WDR11: variants seen among roughly 807,000 people sequenced by gnomAD.
WDR11 encodes WD repeat-containing protein 11.
A neutral mutation model predicts 151.2 loss-of-function variants in WDR11; 83 were observed. The ratio of observed to expected loss-of-function variants is 0.55; its 90% CI spans 0.46 to 0.66. The LOEUF (loss-of-function observed/expected upper bound fraction) is 0.66, where lower values mean the gene tolerates loss of function less well. Among genes scored for constraint, WDR11 ranks in the 30% least tolerant of loss-of-function variants. The pLI, the probability that WDR11 is intolerant of heterozygous loss-of-function variation, is 0.00. For synonymous variants in WDR11, 484 were observed against 533.1 expected (o/e 0.91, Z 1.27); for missense variants, 1,301 against 1,480.9 (o/e 0.88, Z 1.99).
Position 120,864,923 on chromosome 10 carries a change from T to C in WDR11, c.714-124T>C, listed in dbSNP as rs1846261383. 6 of 1,134,890 alleles carry C rather than the reference T, an allele frequency of 5.3e-6. No individual in the cohort carries two copies. In the Admixed American group the frequency reaches 1.2e-4, roughly 24 times the overall value. 70.3% of individuals were successfully genotyped at this position (1,134,890 alleles called of 1,614,324 possible). ...AGTTTTGGATGCCAACCCATGTTGG[T>C]CACTTCAGGGAATAGTTGTACATTT... On this transcript the variant is annotated intron_variant, in intron 5 of 28. Transcript: ENST00000263461.
chr10:120,905,093 T>C (rs931975696), intron 25 of WDR11, among the ~76,000 whole-genome samples: 23 of 152,182 alleles, frequency 1.5e-4, no homozygotes, highest in Admixed American at 9.8e-4. Context: ...GAGAGAACTA[T>C]GCTCTCCCTA....
At chr10:120,887,516 T>G (rs979661752) in intron 16 of WDR11, among the ~76,000 whole-genome samples, 3 of 152,222 alleles carry the variant, frequency 2.0e-5, no homozygotes, top group African/African-American at 7.2e-5. Flanking sequence ...AAAAATGGAA[T>G]GCTCTAGTAG....
intron 19 of WDR11, among the ~76,000 whole-genome samples, chr10:120,894,249 C>T (rs923885010): frequency 1.3e-5 from 2 of 152,092 alleles, no homozygotes; most frequent in African/African-American, 4.8e-5. Flanking sequence ...GCCAGTTTTC[C>T]CCTCCCCAGT....
Position 120,878,505 on chromosome 10 carries a change from T to C in WDR11, c.1663+46T>C, listed in dbSNP as rs760088857. On this transcript the variant is annotated intron_variant, in intron 12 of 28. Transcript: ENST00000263461. ...ATAGGTTTGTCATATTGAATAAACA[T>C]GTTGCCATTTATAAAACATGTTTGA... The C allele has an allele frequency of 6.8e-6, 10 of 1,467,704 alleles. No individual in the cohort carries two copies. In the Admixed American group the frequency reaches 1.3e-4, roughly 20 times the overall value. 90.9% of individuals were successfully genotyped at this position (1,467,704 alleles called of 1,614,324 possible).
intron 28 of WDR11, chr10:120,907,419 G>A (rs923403020): frequency 1.9e-5 from 3 of 159,042 alleles, no homozygotes; most frequent in Non-Finnish European, 2.8e-5. Context: ...TGGTTTCTTT[G>A]AAAAGAATGA....
intron 16 of WDR11, among the ~76,000 whole-genome samples, chr10:120,888,579 A>G (rs1847304881): frequency 2.0e-5 from 3 of 152,254 alleles, no homozygotes; most frequent in Admixed American, 2.0e-4. Flanking sequence ...AGTAAACAGC[A>G]TCTCTTCACC....
rs146655046 is a variant in WDR11 at position 120,891,058 on chromosome 10, G to C, written c.2515+171G>C. On this transcript the variant is annotated intron_variant, in intron 19 of 28. Coordinates refer to ENST00000263461, the MANE Select transcript of WDR11 (RefSeq NM_018117.12). ...GCTTGAGTGTTTTTACTGCTGAGAT[G>C]CTGCAATCTTTGTAACTATAGATGT... Among the ~76,000 whole-genome samples, 1,030 of 152,324 alleles carry C rather than the reference G, an allele frequency of 6.8e-3. 7 individuals are homozygous for C. The highest frequency in any genetic ancestry group is 0.017 in the Middle Eastern group (5 of 294).
intron 19 of WDR11, among the ~76,000 whole-genome samples, chr10:120,896,202 G>A (rs1366529480): frequency 6.6e-6 from 1 of 152,096 alleles, no homozygotes; most frequent in Admixed American, 6.6e-5. Context: ...GTGTAAAAGA[G>A]CACGTATAGC....
chr10:120,860,207 A>C lies in WDR11; in HGVS notation c.451A>C (p.Lys151Gln). 2 of 1,614,208 alleles carry C rather than the reference A, an allele frequency of 1.2e-6. No homozygotes were observed. The highest frequency in any genetic ancestry group is 1.7e-6 in the Non-Finnish European group (2 of 1,180,034). The change falls in exon 4 of 29, where the codon AAA becomes CAA. Residue 151 changes from lysine (K) to glutamine (Q), a missense_variant. Physicochemically the swap from Lys to Gln is moderately conservative, Grantham distance 53 (BLOSUM62 1). This residue lies in a region of WDR11 where 692 missense variants were observed against 762.5 expected (regional missense o/e 0.91). Coordinates refer to ENST00000263461, the MANE Select transcript of WDR11 (RefSeq NM_018117.12). ...GCTCTGGAATGCCGACACTGGCACC[A>C]AACTATGGAAGAAGAGCTATGCAGA... ...IVLWNADTGTKLWKKSYADNI... is the reference protein window; with the variant it reads ...IVLWNADTGTQLWKKSYADNI...
At chr10:120,895,847 A>T (rs183242512) in intron 19 of WDR11, among the ~76,000 whole-genome samples, 38 of 152,326 alleles carry the variant, frequency 2.5e-4, no homozygotes, top group Non-Finnish European at 4.6e-4. Flanking sequence ...TGGCAAGGCT[A>T]TGAGGAAACA....
intron 22 of WDR11, 52 bp downstream of exon 22, chr10:120,902,374 ATTTCT>A (rs746748254): frequency 4.3e-5 from 65 of 1,519,122 alleles, no homozygotes; most frequent in African/African-American, 1.4e-4. Context: ...AAGTTAACTC[ATTTCT>A]TTTAAGGGTT....
chr10:120,880,520 G>A (rs1846961569), intron 12 of WDR11: 3 of 340,108 alleles, frequency 8.8e-6, no homozygotes, highest in African/African-American at 2.1e-5. Context: ...ATGAGCTGGC[G>A]TGGTGGCGAG....
chr10:120,884,904 G>T (rs182896326), intron 14 of WDR11: 1 of 152,180 alleles, frequency 6.6e-6, no homozygotes. Flanking sequence ...TGGATCTACC[G>T]TTTAGACTAA....
At chr10:120,872,952 T>C (rs998591672) in intron 10 of WDR11, among the ~76,000 whole-genome samples, 16 of 152,184 alleles carry the variant, frequency 1.1e-4, no homozygotes, top group Non-Finnish European at 1.9e-4. Context: ...CTTTAAATCA[T>C]GTGCAGTGCA....
chr10:120,895,458 C>T (rs1443615076), intron 19 of WDR11, among the ~76,000 whole-genome samples: 1 of 151,778 alleles, frequency 6.6e-6, no homozygotes, highest in Non-Finnish European at 1.5e-5. Flanking sequence ...TTCCAAGATG[C>T]AATCCTTCCT....
chr10:120,906,264 A>T, intron 27 of WDR11: 1 of 1,372,272 alleles, frequency 7.3e-7, no homozygotes. Flanking sequence ...CACCTAGTAA[A>T]AGGGAATTTA....
chr10:120,860,418 G>C, intron 4 of WDR11, 136 bp downstream of exon 4: 5 of 989,660 alleles, frequency 5.1e-6, no homozygotes, highest in Non-Finnish European at 6.1e-6. Context: ...AGCATGTCTA[G>C]TCCATATATC....
intron 16 of WDR11, 74 bp from the exon 17 acceptor site, chr10:120,889,004 T>G (rs758745845): frequency 2.1e-5 from 25 of 1,171,304 alleles, no homozygotes; most frequent in African/African-American, 4.6e-5. Context: ...AAATTAAGTT[T>G]TATTAAAATA....
At chr10:120,886,667 C>T (rs1014630143) in intron 15 of WDR11, 22 bp from the exon 16 acceptor site, 1 of 1,611,674 alleles carries the variant, frequency 6.2e-7, no homozygotes, top group South Asian at 1.1e-5. Context: ...ACATCTTTAT[C>T]ATATGTTTCA....
Sources: allele counts gnomAD v4.1 joint callset (sites outside exome capture counted in the v4.1 genomes callset), GRCh38; gene constraint gnomAD v4.1.1; regional missense constraint gnomAD v4.1.1; transcripts MANE v1.5; gene names NCBI Gene and HGNC (gene_info 2026-07-23, HGNC 2026-07-21).